The following NFIA variants were observed in gnomAD, a reference collection of about 807,000 sequenced individuals.
The protein encoded by NFIA is nuclear factor I A.
In NFIA, 8 loss-of-function variants were observed where a neutral mutation model predicts 62.8. The observed-to-expected ratio is 0.13, with a 90% CI of 0.07 to 0.23. The LOEUF (loss-of-function observed/expected upper bound fraction) is 0.23, where lower values mean the gene tolerates loss of function less well. NFIA is among the 10% of genes least tolerant of loss of function. The pLI, the probability that NFIA is intolerant of heterozygous loss-of-function variation, is 1.00. For synonymous variants in NFIA, 235 were observed against 238.1 expected (o/e 0.99, Z 0.12); for missense variants, 410 against 642.1 (o/e 0.64, Z 3.91).
At chr1:61,286,192 C>T (rs1003449697) in intron 3 of NFIA, among the ~76,000 whole-genome samples, 1 of 151,958 alleles carries the variant, frequency 6.6e-6, no homozygotes, top group Non-Finnish European at 1.5e-5. Flanking sequence ...CTTTGGGAGG[C>T]CAAGGCAGGC....
chr1:61,248,406 T>C (rs1177820353), intron 2 of NFIA, among the ~76,000 whole-genome samples: 1 of 152,030 alleles, frequency 6.6e-6, no homozygotes, highest in African/African-American at 2.4e-5. Flanking sequence ...CCCTGAGAGG[T>C]AGGGTTTCAG....
intron 2 of NFIA, among the ~76,000 whole-genome samples, chr1:61,127,939 A>G (rs1042669449): frequency 6.6e-5 from 10 of 152,086 alleles, no homozygotes; most frequent in Non-Finnish European, 1.2e-4. Flanking sequence ...TGTATAAAGA[A>G]TTTTATTTTC....
At chr1:61,243,536 C>T (rs1047193874) in intron 2 of NFIA, among the ~76,000 whole-genome samples, 2 of 152,060 alleles carry the variant, frequency 1.3e-5, no homozygotes, top group African/African-American at 4.8e-5. Context: ...CTGATTATTA[C>T]TTGTCAATTT....
At chr1:61,304,897 T>G (rs1470327270) in intron 3 of NFIA, among the ~76,000 whole-genome samples, 2 of 152,200 alleles carry the variant, frequency 1.3e-5, no homozygotes, top group Non-Finnish European at 2.9e-5. Context: ...TAATCTCATC[T>G]GAAAACAGGA....
At chr1:61,338,820 T>C (rs527988049) in intron 4 of NFIA, among the ~76,000 whole-genome samples, 3 of 152,242 alleles carry the variant, frequency 2.0e-5, no homozygotes, top group Admixed American at 6.5e-5. Flanking sequence ...TAAAGTGGGA[T>C]AGATTTAAAA....
intron 2 of NFIA, among the ~76,000 whole-genome samples, chr1:61,261,315 C>T (rs1002951164): frequency 4.6e-5 from 7 of 152,112 alleles, no homozygotes; most frequent in Non-Finnish European, 7.4e-5. Context: ...CTTAAGAATC[C>T]ACATTCCATA....
intron 2 of NFIA, among the ~76,000 whole-genome samples, chr1:61,261,708 A>G (rs1656784594): frequency 6.6e-6 from 1 of 152,236 alleles, no homozygotes; most frequent in Admixed American, 6.5e-5. Flanking sequence ...GGCCTAATGT[A>G]AGGTACAGCC....
intron 3 of NFIA, among the ~76,000 whole-genome samples, chr1:61,285,540 G>C (rs1239793375): frequency 6.6e-6 from 1 of 152,104 alleles, no homozygotes; most frequent in Non-Finnish European, 1.5e-5. Flanking sequence ...AGGATTTTTG[G>C]CACCTTTTCT....
At chr1:61,356,775 C>T (rs1662976745) in intron 5 of NFIA, among the ~76,000 whole-genome samples, 1 of 152,162 alleles carries the variant, frequency 6.6e-6, no homozygotes. Flanking sequence ...AGTTATGTTG[C>T]TTTCCTGTGG....
intron 7 of NFIA, among the ~76,000 whole-genome samples, chr1:61,394,695 TAG>T (rs1665176907): frequency 6.6e-6 from 1 of 152,202 alleles, no homozygotes; most frequent in African/African-American, 2.4e-5. Flanking sequence ...CTTTAATCAC[TAG>T]ACTGATTATT....
chr1:61,255,964 A>G (rs1656364887), intron 2 of NFIA, among the ~76,000 whole-genome samples: 1 of 152,168 alleles, frequency 6.6e-6, no homozygotes, highest in Non-Finnish European at 1.5e-5. Flanking sequence ...TAAGCTCACT[A>G]GGAAGTATTT....
chr1:61,224,432 A>G lies in NFIA; in HGVS notation c.560-53088A>G, dbSNP rs202068934. ...GTCTGAGAACTTTGTTTAAACTAGC[A>G]GTAGCCAAATTTATTTGTCAGTGGA... On this transcript the variant is annotated intron_variant, in intron 2 of 10. Transcript: ENST00000403491. 1.9e-4 allele frequency among the ~76,000 whole-genome samples: 29 copies of G among 152,272 alleles called. No individual in the cohort carries two copies. The East Asian group carries it at 2.1e-3, about 11-fold the overall frequency.
intron 2 of NFIA, among the ~76,000 whole-genome samples, chr1:61,268,711 A>C (rs777654769): frequency 3.9e-5 from 6 of 152,208 alleles, no homozygotes; most frequent in Non-Finnish European, 7.3e-5. Context: ...ATATCTAAGC[A>C]CAGAAATTGA....
intron 3 of NFIA, among the ~76,000 whole-genome samples, chr1:61,318,030 T>C (rs1660461198): frequency 1.3e-5 from 2 of 152,152 alleles, no homozygotes; most frequent in Admixed American, 6.6e-5. Context: ...CTTGGAAATA[T>C]GATTTTTGAA....
Position 61,404,163 on chromosome 1 carries a change from C to A in NFIA, c.1135C>A (p.Pro379Thr). ...HFPTSPIIQQ[P>T]GPYFSHPAIR... The stretch of plus-strand genomic sequence containing the variant: ...CCCGACATCACCCATTATCCAGCAG[C>A]CTGGGCCTTACTTCTCACACCCAGC... Residue 379 changes from proline to threonine, a missense_variant, in exon 8 of 11, where the codon CCT becomes ACT. Pro to Thr is a conservative substitution (Grantham distance 38). This residue lies in a region of NFIA where 298 missense variants were observed against 438.1 expected (regional missense o/e 0.68). Coordinates refer to ENST00000403491, the MANE Select transcript of NFIA (RefSeq NM_001134673.4). The A allele has an allele frequency of 1.2e-6, 2 of 1,614,204 alleles. No individual in the cohort carries two copies. Among genetic ancestry groups the A allele is most frequent in the Non-Finnish European group, 1.7e-6 (2 of 1,180,042 alleles).
chr1:61,207,780 G>T (rs1652990792), intron 2 of NFIA, among the ~76,000 whole-genome samples: 1 of 152,118 alleles, frequency 6.6e-6, no homozygotes, highest in Non-Finnish European at 1.5e-5. Context: ...CTTTTGTTAG[G>T]CGTAGGCCCT....
intron 3 of NFIA, among the ~76,000 whole-genome samples, chr1:61,310,060 A>G (rs1456065132): frequency 6.6e-6 from 1 of 152,340 alleles, no homozygotes; most frequent in African/African-American, 2.4e-5. Context: ...GTGTTTTACC[A>G]TGGTAGAGAT....
intron 6 of NFIA, among the ~76,000 whole-genome samples, chr1:61,360,981 C>T (rs1444898896): frequency 7.9e-6 from 1 of 126,384 alleles, no homozygotes; most frequent in Non-Finnish European, 1.6e-5. Flanking sequence ...AAGCACTATG[C>T]CAGGTTCTGG....
In NFIA at chr1:61,456,684, AATAATAATG is replaced by A. The variant is rs1003813068; in HGVS notation, c.*1367_*1375del. ...AAATAATAATAGTAATAATAATAAT[AATAATAATG>A]ATGAAACCAATACTGACACAAATGC... is the stretch of plus-strand genomic sequence containing the variant. On this transcript the variant is annotated 3_prime_UTR_variant, in exon 11 of 11. Transcript: ENST00000403491. The A allele has an allele frequency of 2.0e-5, 3 of 147,246 alleles. No individual in the cohort carries two copies. The highest frequency in any genetic ancestry group is 6.7e-5 in the Admixed American group (1 of 14,910). 9.1% of individuals were successfully genotyped at this position (147,246 alleles called of 1,614,324 possible).
Sources: allele counts gnomAD v4.1 joint callset (sites outside exome capture counted in the v4.1 genomes callset), GRCh38; gene constraint gnomAD v4.1.1; regional missense constraint gnomAD v4.1.1; transcripts MANE v1.5; gene names NCBI Gene and HGNC (gene_info 2026-07-23, HGNC 2026-07-21).